The following PSMB7 variants were observed in gnomAD, a reference collection of about 807,000 sequenced individuals.
PSMB7 encodes proteasome 20S subunit beta 7, also known as proteasome subunit beta type-7.
In PSMB7, 5 loss-of-function variants were observed where a neutral mutation model predicts 28.1. The ratio of observed to expected loss-of-function variants is 0.18; its 90% CI spans 0.09 to 0.37. The LOEUF is 0.37. Ranked by LOEUF, PSMB7 falls within the 10% of genes least tolerant of loss-of-function variation. The pLI is 1.00. For missense variants in PSMB7, 275 were observed against 346.2 expected (o/e 0.79, Z 1.63); for synonymous variants, 122 against 123.7 (o/e 0.99, Z 0.09).
intron 5 of PSMB7, among the ~76,000 whole-genome samples, chr9:124,385,398 A>G (rs368043968): frequency 1.3e-5 from 2 of 152,372 alleles, no homozygotes; most frequent in Admixed American, 6.5e-5. Flanking sequence ...ACGTAAAGCC[A>G]TTACAAATAA....
At chr9:124,414,739 G>A in intron 2 of PSMB7, 103 bp downstream of exon 2, 1 of 883,902 alleles carries the variant, frequency 1.1e-6, no homozygotes, top group Non-Finnish European at 1.9e-6. Flanking sequence ...GTATTCTATA[G>A]CATTTGCCTT....
At chr9:124,414,067 CTA>C in intron 2 of PSMB7, 62 bp from the exon 3 acceptor site, 1 of 1,090,974 alleles carries the variant, frequency 9.2e-7, no homozygotes, top group Non-Finnish European at 1.4e-6. Context: ...ACTCTCTATT[CTA>C]CTTTAGGGAA....
chr9:124,363,497 C>T lies in PSMB7; in HGVS notation c.571-6582G>A, dbSNP rs142953382. Among the ~76,000 whole-genome samples the T allele has an allele frequency of 3.3e-3, 506 of 152,160 alleles. 2 individuals carry two copies. Among genetic ancestry groups the T allele is most frequent in the African/African-American group, 0.011 (469 of 41,522 alleles). ...TTTACGGTAGAAAACTTTTTTTTTC[C>T]GGACTGGGCTGTGTGACAAGAGCAA... On this transcript the variant is annotated intron_variant, in intron 6 of 7. Coordinates refer to ENST00000259457, the MANE Select transcript of PSMB7 (RefSeq NM_002799.4).
chr9:124,368,488 C>T (rs951626671), intron 6 of PSMB7, among the ~76,000 whole-genome samples: 8 of 152,188 alleles, frequency 5.3e-5, no homozygotes, highest in African/African-American at 1.9e-4. Flanking sequence ...TCGAATCCCA[C>T]GGCAAAGAGC....
At chr9:124,411,563 C>G (rs956888250) in intron 4 of PSMB7, among the ~76,000 whole-genome samples, 1 of 152,196 alleles carries the variant, frequency 6.6e-6, no homozygotes, top group African/African-American at 2.4e-5. Context: ...ACTAAATGCC[C>G]AGGCTACTTC....
intron 5 of PSMB7, among the ~76,000 whole-genome samples, chr9:124,394,779 A>G (rs891083857): frequency 6.6e-6 from 1 of 152,208 alleles, no homozygotes; most frequent in Admixed American, 6.5e-5. Flanking sequence ...TCATTTCCTG[A>G]TATCACGGCA....
At position 124,389,040 on chromosome 9, in the gene PSMB7, A is replaced by C. The variant is rs530950821; in HGVS notation, c.512-4384T>G. On this transcript the variant is annotated intron_variant, in intron 5 of 7. Coordinates refer to ENST00000259457, the MANE Select transcript of PSMB7 (RefSeq NM_002799.4). ...TACCCAAATGAGGGAGCCAAAAAAA[A>C]CTCTAAGCTGCCCCTGAAGGTGTGA... Among the ~76,000 whole-genome samples, 9 of 152,210 alleles carry C rather than the reference A, an allele frequency of 5.9e-5. No individual in the cohort carries two copies. The East Asian group carries it at 1.5e-3, about 26-fold the overall frequency.
intron 4 of PSMB7, 26 bp downstream of exon 4, chr9:124,412,326 T>A: frequency 6.2e-7 from 1 of 1,609,716 alleles, no homozygotes; most frequent in Non-Finnish European, 8.5e-7. Context: ...AAGATACTAG[T>A]AGGAATCCCC....
In PSMB7 at chr9:124,389,980, A is replaced by G. The variant is rs1170167567; in HGVS notation, c.512-5324T>C. On this transcript the variant is annotated intron_variant, in intron 5 of 7. Coordinates refer to ENST00000259457, the MANE Select transcript of PSMB7 (RefSeq NM_002799.4). ...AAAATAAAAGCCCTGAAACTCCGAA[A>G]AATACATGCAACATGCAGAACATTA... 2.6e-5 allele frequency among the ~76,000 whole-genome samples: 4 copies of G among 152,218 alleles called. 1 individual carries two copies. The East Asian group carries it at 7.7e-4, about 29-fold the overall frequency.
In PSMB7 at chr9:124,402,329, A is replaced by G. The variant is rs1459184512; in HGVS notation, c.511+2988T>C. The stretch of plus-strand genomic sequence containing the variant: ...CAGACACAAAGCTGTTTACCTACTC[A>G]CTTTCAACAACTTTTCCTAATTCAG... On this transcript the variant is annotated intron_variant, in intron 5 of 7. Coordinates refer to ENST00000259457, the MANE Select transcript of PSMB7 (RefSeq NM_002799.4). Among the ~76,000 whole-genome samples, 4 of 152,184 alleles carry G rather than the reference A, an allele frequency of 2.6e-5. No individual in the cohort carries two copies. The East Asian group carries it at 7.7e-4, about 29-fold the overall frequency.
At chr9:124,370,437 C>T (rs553968942) in intron 6 of PSMB7, among the ~76,000 whole-genome samples, 1 of 151,944 alleles carries the variant, frequency 6.6e-6, no homozygotes, top group South Asian at 2.1e-4. Context: ...TCTCATCCCT[C>T]TTAAGAATCG....
chr9:124,398,836 T>C (rs1246519138), intron 5 of PSMB7, among the ~76,000 whole-genome samples: 1 of 152,170 alleles, frequency 6.6e-6, no homozygotes, highest in Non-Finnish European at 1.5e-5. Context: ...TGAGTGACAC[T>C]AGGTAAGTTG....
chr9:124,406,802 T>G (rs983456338), intron 4 of PSMB7, among the ~76,000 whole-genome samples: 1 of 152,086 alleles, frequency 6.6e-6, no homozygotes, highest in East Asian at 1.9e-4. Flanking sequence ...TGGACCCTTT[T>G]TTTCCATTTC....
chr9:124,415,225 C>T, intron 1 of PSMB7, 139 bp downstream of exon 1: 1 of 960,450 alleles, frequency 1.0e-6, no homozygotes, highest in South Asian at 1.5e-5. Context: ...CCCTGATTCC[C>T]CTGAGTCACA....
At chr9:124,375,401 C>A (rs893010589) in intron 6 of PSMB7, among the ~76,000 whole-genome samples, 7 of 152,124 alleles carry the variant, frequency 4.6e-5, no homozygotes, top group Admixed American at 2.6e-4. Flanking sequence ...TGAACTCAAC[C>A]GATCCGCCCG....
chr9:124,395,070 C>G (rs898397435), intron 5 of PSMB7, among the ~76,000 whole-genome samples: 1 of 152,226 alleles, frequency 6.6e-6, no homozygotes, highest in Non-Finnish European at 1.5e-5. Flanking sequence ...CAAACATCTA[C>G]TACATGCTAC....
intron 5 of PSMB7, among the ~76,000 whole-genome samples, chr9:124,390,783 GGGAT>G (rs1830775501): frequency 6.6e-6 from 1 of 152,052 alleles, no homozygotes; most frequent in Admixed American, 6.5e-5. Context: ...ACATTGTGAG[GGGAT>G]GGAAAAAACA....
chr9:124,357,316 G>T (rs549240567), intron 6 of PSMB7, among the ~76,000 whole-genome samples: 16 of 152,284 alleles, frequency 1.1e-4, no homozygotes, highest in African/African-American at 3.6e-4. Context: ...TAAAAAATGG[G>T]TATAACTGTG....
rs771803766 is a variant in PSMB7 at position 124,353,641 on chromosome 9, A to G, written c.791T>C (p.Ile264Thr). 1.8e-5 allele frequency: 29 copies of G among 1,614,066 alleles called. No individual in the cohort carries two copies. In the South Asian group the frequency reaches 2.5e-4, roughly 14 times the overall value. The part of the protein sequence containing the change: ...VLTEKITPLE[I>T]EVLEETVQTM... ...TTGGACTGTTTCTTCCAGCACCTCA[A>G]TCTCCAGAGGAGTGATTTTCTCAGT... is the stretch of plus-strand genomic sequence containing the variant. The change falls in exon 8 of 8, where the codon ATT becomes ACT. Residue 264 changes from isoleucine to threonine, a missense_variant. By Grantham distance (89) the Ile-to-Thr change is moderately conservative. Transcript: ENST00000259457.
Sources: allele counts gnomAD v4.1 joint callset (sites outside exome capture counted in the v4.1 genomes callset), GRCh38; gene constraint gnomAD v4.1.1; transcripts MANE v1.5; gene names NCBI Gene and HGNC (gene_info 2026-07-23, HGNC 2026-07-21).